Variants in KALRN observed in about 807,000 individuals in gnomAD.
The protein encoded by KALRN is kalirin RhoGEF kinase.
In KALRN, 70 loss-of-function variants were observed where a neutral mutation model predicts 353.7. That is an observed-to-expected ratio of 0.20 (90% CI 0.16 to 0.24). KALRN has a LOEUF of 0.24. Ranked by LOEUF, KALRN falls within the 10% of genes least tolerant of loss-of-function variation. The pLI, the probability that KALRN is intolerant of heterozygous loss-of-function variation, is 1.00. For synonymous variants in KALRN, 1,391 were observed against 1,434.8 expected (o/e 0.97, Z 0.69); for missense variants, 2,791 against 3,756.7 (o/e 0.74, Z 6.72).
intron 1 of KALRN, among the ~76,000 whole-genome samples, chr3:124,038,223 G>C (rs2039612634): frequency 6.6e-6 from 1 of 152,152 alleles, no homozygotes; most frequent in Non-Finnish European, 1.5e-5. Context: ...CTGCAGACAG[G>C]TTGAGCAGGA....
intron 1 of KALRN, among the ~76,000 whole-genome samples, chr3:124,145,990 T>C (rs936346595): frequency 1.3e-5 from 2 of 152,226 alleles, no homozygotes; most frequent in African/African-American, 2.4e-5. Context: ...AAGTAAATAA[T>C]ATGCCTGTTT....
intron 22 of KALRN, among the ~76,000 whole-genome samples, chr3:124,456,237 T>C (rs1267605134): frequency 2.0e-5 from 3 of 152,364 alleles, no homozygotes; most frequent in South Asian, 2.1e-4. Flanking sequence ...TATATCTTTA[T>C]GTGTTTTTGT....
chr3:124,506,418 G>C (rs887526378), intron 33 of KALRN, among the ~76,000 whole-genome samples: 3 of 152,166 alleles, frequency 2.0e-5, no homozygotes, highest in Non-Finnish European at 4.4e-5. Flanking sequence ...CCCATTTGTA[G>C]GAACTTAAAG....
chr3:124,260,751 C>A (rs1392966073), intron 3 of KALRN, among the ~76,000 whole-genome samples: 1 of 152,120 alleles, frequency 6.6e-6, no homozygotes, highest in Non-Finnish European at 1.5e-5. Context: ...ATGGGACTCT[C>A]CAAGGCACTC....
At chr3:124,342,381 T>C (rs1236606925) in intron 9 of KALRN, among the ~76,000 whole-genome samples, 3 of 152,202 alleles carry the variant, frequency 2.0e-5, no homozygotes, top group Non-Finnish European at 4.4e-5. Context: ...GCATTATTTA[T>C]CTTCCACATA....
intron 56 of KALRN, 131 bp downstream of exon 56, chr3:124,700,164 T>C (rs2062252277): frequency 1.1e-5 from 9 of 854,636 alleles, no homozygotes; most frequent in Non-Finnish European, 1.5e-5. Flanking sequence ...CTAAGAAGAA[T>C]GTTTCTGTAA....
chr3:124,351,277 G>T (rs2149590955), intron 10 of KALRN, among the ~76,000 whole-genome samples: 1 of 152,152 alleles, frequency 6.6e-6, no homozygotes, highest in East Asian at 1.9e-4. Flanking sequence ...CTTGTTCTTT[G>T]TTTGGGTTGC....
chr3:124,479,464 C>T (rs555273144), intron 27 of KALRN, among the ~76,000 whole-genome samples: 42 of 152,308 alleles, frequency 2.8e-4, no homozygotes, highest in Admixed American at 9.8e-4. Context: ...AACTTCTACA[C>T]TTAGGAACCA....
intron 6 of KALRN, among the ~76,000 whole-genome samples, chr3:124,319,246 G>A (rs866857863): frequency 2.6e-5 from 4 of 151,846 alleles, no homozygotes; most frequent in African/African-American, 7.2e-5. Context: ...AGACAGGATC[G>A]CTTGAGCCCA....
chr3:124,597,962 A>G (rs1184889556), intron 34 of KALRN, among the ~76,000 whole-genome samples: 2 of 152,132 alleles, frequency 1.3e-5, no homozygotes, highest in Non-Finnish European at 2.9e-5. Context: ...TTATGTTTGG[A>G]GGAACAGGGA....
intron 14 of KALRN, among the ~76,000 whole-genome samples, chr3:124,416,617 G>T (rs570916333): frequency 1.6e-4 from 24 of 152,364 alleles, no homozygotes; most frequent in African/African-American, 5.5e-4. Flanking sequence ...TGGTTCTGCA[G>T]GGGAGGCATC....
intron 6 of KALRN, among the ~76,000 whole-genome samples, chr3:124,315,359 A>C (rs138864127): frequency 1.3e-4 from 20 of 152,288 alleles, no homozygotes; most frequent in African/African-American, 4.3e-4. Context: ...TCTAGTGCAC[A>C]CATGGCCTGG....
chr3:124,092,799 C>T (rs947723150), intron 1 of KALRN, among the ~76,000 whole-genome samples: 10 of 152,220 alleles, frequency 6.6e-5, no homozygotes, highest in Admixed American at 3.3e-4. Context: ...TCCCATCCTA[C>T]AGACCTTGCA....
At chr3:124,660,381 C>G (rs1711414289) in intron 43 of KALRN, among the ~76,000 whole-genome samples, 1 of 152,032 alleles carries the variant, frequency 6.6e-6, no homozygotes, top group Non-Finnish European at 1.5e-5. Context: ...TTCCTTCTCC[C>G]ATAGCTTTGA....
intron 10 of KALRN, among the ~76,000 whole-genome samples, chr3:124,366,805 C>T (rs2084776129): frequency 6.6e-6 from 1 of 151,118 alleles, no homozygotes; most frequent in African/African-American, 2.4e-5. Flanking sequence ...CCCTCACCTC[C>T]CGGACGGGGT....
intron 1 of KALRN, among the ~76,000 whole-genome samples, chr3:124,049,413 C>G (rs1040582291): frequency 6.6e-6 from 1 of 151,940 alleles, no homozygotes; most frequent in Non-Finnish European, 1.5e-5. Context: ...TTTCCTCATT[C>G]GAAGAAAGAG....
At chr3:124,278,464 T>TGTGTGTGTGC (rs1318972341) in intron 5 of KALRN, among the ~76,000 whole-genome samples, 2 of 150,082 alleles carry the variant, frequency 1.3e-5, no homozygotes, top group Non-Finnish European at 1.5e-5. Context: ...TTCAGGTGTG[T>TGTGTGTGTGC]GTGTGTGTGT....
At chr3:124,430,565 G>A in intron 15 of KALRN, 91 bp from the exon 16 acceptor site, 2 of 1,458,998 alleles carry the variant, frequency 1.4e-6, no homozygotes, top group Non-Finnish European at 1.9e-6. Flanking sequence ...AAGATAGTGA[G>A]CTCTCCAACT....
chr3:124,199,709 G>C (rs929591644), intron 1 of KALRN, among the ~76,000 whole-genome samples: 1 of 152,138 alleles, frequency 6.6e-6, no homozygotes, highest in Non-Finnish European at 1.5e-5. Flanking sequence ...TCCATTGGAG[G>C]GGTATGTGGC....
Sources: allele counts gnomAD v4.1 joint callset (sites outside exome capture counted in the v4.1 genomes callset), GRCh38; gene constraint gnomAD v4.1.1; transcripts MANE v1.5; gene names NCBI Gene and HGNC (gene_info 2026-07-23, HGNC 2026-07-21).